SOBP: variants seen among roughly 807,000 people sequenced by gnomAD.
The protein encoded by SOBP is sine oculis binding protein homolog.
SOBP carries 4 observed loss-of-function variants against 53.6 expected under a neutral mutation model. The ratio of observed to expected loss-of-function variants is 0.07; its 90% CI spans 0.04 to 0.17. The LOEUF (loss-of-function observed/expected upper bound fraction) is 0.17. SOBP is among the 10% of genes least tolerant of loss of function. The pLI, the probability that SOBP is intolerant of heterozygous loss-of-function variation, is 1.00. For synonymous variants in SOBP, 584 were observed against 522.6 expected (o/e 1.12, Z -1.60); for missense variants, 1,088 against 1,204.7 (o/e 0.90, Z 1.43).
intron 5 of SOBP, among the ~76,000 whole-genome samples, chr6:107,623,177 C>T (rs572627056): frequency 1.3e-5 from 2 of 152,064 alleles, no homozygotes; most frequent in African/African-American, 4.8e-5. Context: ...GGATTTGGTC[C>T]GACAATCAGA....
chr6:107,635,117 T>A lies in SOBP; in HGVS notation c.2273T>A (p.Leu758Gln). Residue 758 changes from leucine (L) to glutamine (Q), a missense_variant, in exon 6 of 7, where the codon CTG becomes CAG. Transcript: ENST00000317357. The surrounding 1 kb of genome is among the most constrained non-coding windows in gnomAD (Gnocchi z 4.5). ...PPPPAPPKKL[L>Q]SPEEPAVSEL... ...CCGCCCGCGCCCCCCAAGAAGCTGCTGTCGCCTGAGGAACCGGCGGTGAGC... is the reference window on the plus strand; with the variant it reads ...CCGCCCGCGCCCCCCAAGAAGCTGCAGTCGCCTGAGGAACCGGCGGTGAGC... 6.2e-7 allele frequency: 1 copy of A among 1,611,360 alleles called. No individual in the cohort carries two copies. The highest frequency in any genetic ancestry group is 8.5e-7 in the Non-Finnish European group (1 of 1,179,006).
At chr6:107,562,124 G>A (rs111246776) in intron 4 of SOBP, among the ~76,000 whole-genome samples, 2,191 of 150,770 alleles carry the variant, frequency 0.015, 50 homozygotes, top group African/African-American at 0.051. Context: ...TCCGCTTCCC[G>A]GGTTCAAGTG....
chr6:107,562,247 A>G (rs1784793374), intron 4 of SOBP, among the ~76,000 whole-genome samples: 1 of 151,982 alleles, frequency 6.6e-6, no homozygotes, highest in Admixed American at 6.6e-5. Flanking sequence ...TTAAACTCCT[A>G]ATCTCAAGTG....
intron 4 of SOBP, among the ~76,000 whole-genome samples, chr6:107,583,074 G>T (rs1200293054): frequency 1.3e-5 from 2 of 152,220 alleles, no homozygotes; most frequent in Non-Finnish European, 2.9e-5. Context: ...GGGGGCAGAT[G>T]TAGAATAAAC....
chr6:107,654,527 T>C (rs574692282), intron 6 of SOBP, among the ~76,000 whole-genome samples: 17 of 152,360 alleles, frequency 1.1e-4, no homozygotes, highest in African/African-American at 3.6e-4. Flanking sequence ...TGGGCTTCCT[T>C]GTATACTGGT....
chr6:107,636,610 T>C (rs1047455489), intron 6 of SOBP, among the ~76,000 whole-genome samples: 1 of 152,188 alleles, frequency 6.6e-6, no homozygotes, highest in East Asian at 1.9e-4. Context: ...ATCAACTTCT[T>C]ATGGAGAGGA....
intron 5 of SOBP, among the ~76,000 whole-genome samples, chr6:107,611,435 T>C (rs905218687): frequency 5.9e-5 from 9 of 152,204 alleles, no homozygotes; most frequent in African/African-American, 1.9e-4. Flanking sequence ...CAAACCATGA[T>C]AGATGCCACA....
chr6:107,636,305 TCCTGCCTAATG>T (rs1362642802), intron 6 of SOBP: 3 of 152,360 alleles, frequency 2.0e-5, no homozygotes, highest in Non-Finnish European at 4.4e-5. Context: ...ATAGACAGAC[TCCTGCCTAATG>T]CCAAGTGAGC....
At chr6:107,532,315 G>A (rs985691729) in intron 3 of SOBP, among the ~76,000 whole-genome samples, 1 of 151,206 alleles carries the variant, frequency 6.6e-6, no homozygotes, top group Non-Finnish European at 1.5e-5. Flanking sequence ...GGAGGACAGA[G>A]AAAACTCAAG....
In SOBP at chr6:107,490,732, G is replaced by A. The variant is rs1279497393; in HGVS notation, c.96+20G>A. 9.0e-6 allele frequency: 14 copies of A among 1,550,984 alleles called. No homozygotes were observed. The highest frequency in any genetic ancestry group is 2.7e-5 in the African/African-American group (2 of 73,534). ...ATGAAGGTATTTTTTGATCTCGGGGGCCAGGGAGACTGAGCTCTTTCTTGC... is the reference window on the plus strand; with the variant it reads ...ATGAAGGTATTTTTTGATCTCGGGGACCAGGGAGACTGAGCTCTTTCTTGC... On this transcript the variant is annotated intron_variant, in intron 1 of 6. Transcript: ENST00000317357.
At chr6:107,597,983 G>T (rs1249083170) in intron 5 of SOBP, among the ~76,000 whole-genome samples, 1 of 152,312 alleles carries the variant, frequency 6.6e-6, no homozygotes, top group Middle Eastern at 3.4e-3. Flanking sequence ...AGAGCAGGTG[G>T]TTATGGGGTG....
At chr6:107,565,089 A>G (rs1390243503) in intron 4 of SOBP, among the ~76,000 whole-genome samples, 1 of 152,186 alleles carries the variant, frequency 6.6e-6, no homozygotes, top group Non-Finnish European at 1.5e-5. Flanking sequence ...TTTGGTTTGG[A>G]GTGTATGGCT....
intron 4 of SOBP, among the ~76,000 whole-genome samples, chr6:107,555,422 G>T (rs1336749685): frequency 6.6e-6 from 1 of 151,968 alleles, no homozygotes; most frequent in East Asian, 1.9e-4. Context: ...AGTATTTTTT[G>T]ATCACAGATC....
Position 107,490,539 on chromosome 6 carries a change from A to T in SOBP, c.-78A>T. Reference sequence around the variant, plus strand: ...CCTCGCCACCATCAGCACCACCTCCACCGCCGCCGCCGCCGCCACCACCAC... The same window carrying T: ...CCTCGCCACCATCAGCACCACCTCCTCCGCCGCCGCCGCCGCCACCACCAC... On this transcript the variant is annotated 5_prime_UTR_variant, in exon 1 of 7. Transcript: ENST00000317357. 1 of 1,046,670 alleles carries T rather than the reference A, an allele frequency of 9.6e-7. No individual in the cohort carries two copies. Among genetic ancestry groups the T allele is most frequent in the Non-Finnish European group, 1.4e-6 (1 of 705,526 alleles). 64.8% of individuals were successfully genotyped at this position (1,046,670 alleles called of 1,614,324 possible).
intron 4 of SOBP, among the ~76,000 whole-genome samples, chr6:107,541,862 G>A (rs1165768893): frequency 6.6e-6 from 1 of 152,000 alleles, no homozygotes; most frequent in Non-Finnish European, 1.5e-5. Flanking sequence ...AAAGAAAAAG[G>A]GGAATTTGCC....
chr6:107,519,957 A>G (rs6924588), intron 3 of SOBP, among the ~76,000 whole-genome samples: 23,939 of 152,186 alleles, frequency 0.16, 2,872 homozygotes, highest in African/African-American at 0.31. Flanking sequence ...CACAGTGAAA[A>G]ACCAGAAATT....
chr6:107,506,482 C>T (rs2114949707), intron 3 of SOBP, 55 bp downstream of exon 3: 4 of 1,583,556 alleles, frequency 2.5e-6, no homozygotes, highest in Admixed American at 1.7e-5. Flanking sequence ...TTGTTTTAAC[C>T]ATCTTAGGAA....
chr6:107,556,252 T>C (rs1784606798), intron 4 of SOBP, among the ~76,000 whole-genome samples: 2 of 152,190 alleles, frequency 1.3e-5, no homozygotes, highest in Non-Finnish European at 2.9e-5. Context: ...TTCAGTGGTT[T>C]GTCATGTGTA....
At position 107,572,304 on chromosome 6, in the gene SOBP, C is replaced by CTTTTT. The variant is rs5878919; in HGVS notation, c.574-14763_574-14759dup. 7.8e-4 allele frequency among the ~76,000 whole-genome samples: 109 copies of CTTTTT among 140,586 alleles called. 2 individuals are homozygous for CTTTTT. The highest frequency in any genetic ancestry group is 5.4e-3 in the East Asian group (26 of 4,796). The allele number at this position is 140,586 out of a possible 152,430, so 92.2% of individuals were successfully genotyped here. On this transcript the variant is annotated intron_variant, in intron 4 of 6. Coordinates refer to ENST00000317357, the MANE Select transcript of SOBP (RefSeq NM_018013.4). ...AAAATAATAGCTGCAAATTTGCACACTTTTTTTTTTTTTTTTTAAGGCAGA... is the reference window on the plus strand; with the variant it reads ...AAAATAATAGCTGCAAATTTGCACACTTTTTTTTTTTTTTTTTTTTTTAAGGCAGA...
Sources: allele counts gnomAD v4.1 joint callset (sites outside exome capture counted in the v4.1 genomes callset), GRCh38; gene constraint gnomAD v4.1.1; non-coding constraint Gnocchi (gnomAD v3.1); transcripts MANE v1.5; gene names NCBI Gene and HGNC (gene_info 2026-07-23, HGNC 2026-07-21).